THADA: variants seen among roughly 807,000 people sequenced by gnomAD.
The protein encoded by THADA is THADA armadillo repeat containing, also known as tRNA (32-2'-O)-methyltransferase regulator THADA.
In THADA, 213 loss-of-function variants were observed where a neutral mutation model predicts 219.8. The observed-to-expected ratio is 0.97, with a 90% CI of 0.87 to 1.09. The LOEUF is 1.09. THADA is among the 50% of genes least tolerant of loss of function. The pLI is 0.00. For synonymous variants in THADA, 1,018 were observed against 828.9 expected (o/e 1.23, Z -3.92); for missense variants, 2,956 against 2,311.3 (o/e 1.28, Z -5.72).
At chr2:43,402,777 AGCT>A (rs1675021341) in intron 28 of THADA, among the ~76,000 whole-genome samples, 1 of 152,198 alleles carries the variant, frequency 6.6e-6, no homozygotes, top group South Asian at 2.1e-4. Flanking sequence ...AGTAAACACA[AGCT>A]GCTGCTGCTG....
intron 29 of THADA, among the ~76,000 whole-genome samples, chr2:43,349,088 A>G (rs1183845494): frequency 2.0e-5 from 3 of 152,188 alleles, no homozygotes; most frequent in Admixed American, 1.3e-4. Context: ...AGCATCATCC[A>G]TGACTATCAT....
At chr2:43,406,587 T>C (rs1392477472) in intron 28 of THADA, among the ~76,000 whole-genome samples, 2 of 152,242 alleles carry the variant, frequency 1.3e-5, no homozygotes, top group Non-Finnish European at 2.9e-5. Flanking sequence ...AATTCTTTCC[T>C]GACTCTGGGA....
chr2:43,390,111 A>G (rs1403361159), intron 29 of THADA, among the ~76,000 whole-genome samples: 1 of 152,220 alleles, frequency 6.6e-6, no homozygotes, highest in Non-Finnish European at 1.5e-5. Context: ...GGTAAAGGTC[A>G]TACCAGAAAG....
chr2:43,306,868 A>G (rs1208225389), intron 31 of THADA, among the ~76,000 whole-genome samples: 1 of 152,190 alleles, frequency 6.6e-6, no homozygotes, highest in Non-Finnish European at 1.5e-5. Flanking sequence ...TGTTCTTGCT[A>G]TCAGTTTTAT....
intron 36 of THADA, among the ~76,000 whole-genome samples, chr2:43,249,546 A>G (rs770224286): frequency 2.0e-5 from 3 of 152,216 alleles, no homozygotes; most frequent in Non-Finnish European, 4.4e-5. Flanking sequence ...CAAATGTCCT[A>G]CATCCTTAAC....
At chr2:43,564,626 A>C (rs558408235) in intron 15 of THADA, 1 of 152,358 alleles carries the variant, frequency 6.6e-6, no homozygotes, top group South Asian at 2.1e-4. Flanking sequence ...ACAGCTTCTA[A>C]AGATTTGATG....
chr2:43,412,226 T>C (rs1417315029), intron 28 of THADA, among the ~76,000 whole-genome samples: 2 of 152,142 alleles, frequency 1.3e-5, no homozygotes, highest in Non-Finnish European at 2.9e-5. Context: ...CAGTATCATC[T>C]TACTCCCCGG....
At chr2:43,513,238 T>C (rs541347190) in intron 22 of THADA, among the ~76,000 whole-genome samples, 1 of 152,308 alleles carries the variant, frequency 6.6e-6, no homozygotes, top group South Asian at 2.1e-4. Context: ...TCAATTGAAA[T>C]GATAGAGATG....
chr2:43,278,315 G>A (rs887528522), intron 36 of THADA, among the ~76,000 whole-genome samples: 16 of 152,072 alleles, frequency 1.1e-4, no homozygotes, highest in African/African-American at 3.6e-4. Context: ...AAAAAAATCA[G>A]GGTGATTCTC....
intron 27 of THADA, among the ~76,000 whole-genome samples, chr2:43,429,251 G>A (rs1266405005): frequency 6.6e-6 from 1 of 150,582 alleles, no homozygotes; most frequent in African/African-American, 2.4e-5. Flanking sequence ...GGGATCACAG[G>A]TGCGCACCAC....
chr2:43,271,336 G>T (rs1374713588), intron 36 of THADA, among the ~76,000 whole-genome samples: 1 of 152,210 alleles, frequency 6.6e-6, no homozygotes, highest in Non-Finnish European at 1.5e-5. Flanking sequence ...TCTCTAGGAA[G>T]AAGTCAGGAC....
chr2:43,546,842 C>G (rs1386362451), intron 20 of THADA, among the ~76,000 whole-genome samples: 1 of 152,188 alleles, frequency 6.6e-6, no homozygotes, highest in Non-Finnish European at 1.5e-5. Context: ...CAGCCTGTGT[C>G]TTTCAATTGG....
chr2:43,515,769 A>C (rs768232959), intron 22 of THADA, among the ~76,000 whole-genome samples: 2 of 152,078 alleles, frequency 1.3e-5, no homozygotes, highest in Non-Finnish European at 2.9e-5. Flanking sequence ...GGTAAGAAAA[A>C]GACAATCTGA....
chr2:43,305,769 C>T (rs542339488), intron 31 of THADA, among the ~76,000 whole-genome samples: 1 of 152,242 alleles, frequency 6.6e-6, no homozygotes, highest in African/African-American at 2.4e-5. Context: ...CTCCACCCAC[C>T]ATCCCATCTC....
rs146764033 is a variant in THADA, at chr2:43,442,711, C to T, written c.3837-12409G>A. 3.2e-3 allele frequency among the ~76,000 whole-genome samples: 494 copies of T among 152,136 alleles called. 1 individual carries two copies. Among genetic ancestry groups the T allele is most frequent in the African/African-American group, 0.011 (472 of 41,498 alleles). ...ATGTTACAAGAGCAGATGGACTAGG[C>T]TAGAGAGTAGAAACATGGTGACCCC... On this transcript the variant is annotated intron_variant, in intron 26 of 37. Coordinates refer to ENST00000405975, the MANE Select transcript of THADA (RefSeq NM_022065.5).
intron 13 of THADA, among the ~76,000 whole-genome samples, chr2:43,571,272 G>C: frequency 7.1e-6 from 1 of 141,064 alleles, no homozygotes; most frequent in African/African-American, 2.7e-5. Flanking sequence ...TTTTTTTGGA[G>C]ACCGAGTCTC....
Position 43,291,752 on chromosome 2 carries a change from C to T in THADA, c.4954G>A (p.Val1652Ile). 1 of 1,551,268 alleles carries T rather than the reference C, an allele frequency of 6.4e-7. No individual in the cohort carries two copies. The highest frequency in any genetic ancestry group is 1.4e-5 in the African/African-American group (1 of 73,442). ...ASNERSEIQS[V>I]ALRLASKVIS... ...ACTTTGGAAGCAAGTCTCAGAGCTACACTCTGAATTTCAGATCTAGAAAAA... is the reference window on the plus strand; with the variant it reads ...ACTTTGGAAGCAAGTCTCAGAGCTATACTCTGAATTTCAGATCTAGAAAAA... Residue 1652 changes from valine to isoleucine, a missense_variant, in exon 34 of 38, where the codon GTA becomes ATA. Coordinates refer to ENST00000405975, the MANE Select transcript of THADA (RefSeq NM_022065.5).
intron 21 of THADA, among the ~76,000 whole-genome samples, chr2:43,540,427 C>T (rs538802612): frequency 1.3e-5 from 2 of 152,076 alleles, no homozygotes; most frequent in Non-Finnish European, 2.9e-5. Flanking sequence ...TAGCATACTA[C>T]AATATTTGTT....
rs1699923402 is a variant in THADA, at chr2:43,577,005, A to G, written c.1037+17T>C. The G allele has an allele frequency of 1.2e-6, 2 of 1,602,682 alleles. No homozygotes were observed. The highest frequency in any genetic ancestry group is 1.7e-6 in the Non-Finnish European group (2 of 1,172,894). ...TACAAGTGAAACAAAATATGAGACGATAGCATCAAAACTCACTGTGAACTC... is the reference window on the plus strand; with the variant it reads ...TACAAGTGAAACAAAATATGAGACGGTAGCATCAAAACTCACTGTGAACTC... On this transcript the variant is annotated intron_variant, in intron 10 of 37. Transcript: ENST00000405975.
Sources: gnomAD v4.1 joint callset for allele counts (sites outside exome capture counted in the v4.1 genomes callset) on GRCh38, gnomAD v4.1.1 for gene constraint, MANE v1.5 for transcripts, NCBI Gene and HGNC (gene_info 2026-07-23, HGNC 2026-07-21) for gene names.